Variants in MLLT10 observed in about 807,000 individuals in gnomAD.
MLLT10 encodes protein AF-10.
Under a neutral mutation model 129.1 loss-of-function variants are expected in MLLT10, and 30 were observed. The observed-to-expected ratio is 0.23, with a 90% CI of 0.17 to 0.32. MLLT10 has a LOEUF of 0.32. MLLT10 is among the 10% of genes least tolerant of loss of function. MLLT10 has a pLI of 1.00. For synonymous variants in MLLT10, 490 were observed against 446.4 expected (o/e 1.10, Z -1.23); for missense variants, 1,119 against 1,268.3 (o/e 0.88, Z 1.79).
At chr10:21,640,163 TATATTATATATAATATCAA>T (rs1220839302) in intron 8 of MLLT10, among the ~76,000 whole-genome samples, 2 of 146,004 alleles carry the variant, frequency 1.4e-5, no homozygotes, top group African/African-American at 5.0e-5. Flanking sequence ...TGTATACATA[TATATTATATATAATATCAA>T]ATATTATTAT....
chr10:21,739,567 G>C (rs549926007), intron 21 of MLLT10, among the ~76,000 whole-genome samples: 1 of 152,300 alleles, frequency 6.6e-6, no homozygotes, highest in South Asian at 2.1e-4. Flanking sequence ...ACCAAAAGCA[G>C]TGCCTGGCAC....
At chr10:21,714,777 C>T (rs1412532098) in intron 14 of MLLT10, among the ~76,000 whole-genome samples, 1 of 152,212 alleles carries the variant, frequency 6.6e-6, no homozygotes, top group Non-Finnish European at 1.5e-5. Flanking sequence ...GGTAATCTGC[C>T]TGCCTTGGCC....
At chr10:21,666,956 A>G (rs867195378) in intron 9 of MLLT10, among the ~76,000 whole-genome samples, 4 of 152,102 alleles carry the variant, frequency 2.6e-5, no homozygotes, top group African/African-American at 4.8e-5. Context: ...GTATATTCAC[A>G]TTTCATTTAT....
chr10:21,568,459 ATCTT>A (rs1701573172), intron 3 of MLLT10, among the ~76,000 whole-genome samples: 1 of 151,970 alleles, frequency 6.6e-6, no homozygotes, highest in Admixed American at 6.6e-5. Context: ...TTCTGCTCTG[ATCTT>A]TCTTTTGCTC....
intron 8 of MLLT10, among the ~76,000 whole-genome samples, chr10:21,639,535 T>G (rs1027600732): frequency 1.3e-5 from 2 of 152,196 alleles, no homozygotes; most frequent in Non-Finnish European, 2.9e-5. Context: ...AAGAGATGAA[T>G]AGTGTGAAGT....
At chr10:21,610,644 T>A (rs2044517352) in intron 5 of MLLT10, among the ~76,000 whole-genome samples, 1 of 151,550 alleles carries the variant, frequency 6.6e-6, no homozygotes, top group Non-Finnish European at 1.5e-5. Flanking sequence ...AAATAAAAAT[T>A]ATCATATTTT....
intron 8 of MLLT10, among the ~76,000 whole-genome samples, chr10:21,647,098 C>T (rs1018361483): frequency 7.9e-5 from 12 of 152,088 alleles, no homozygotes; most frequent in African/African-American, 2.4e-4. Context: ...CCTCGTGATC[C>T]GCCCACCTCG....
chr10:21,551,087 C>T (rs1186618399), intron 3 of MLLT10, among the ~76,000 whole-genome samples: 6 of 151,472 alleles, frequency 4.0e-5, no homozygotes, highest in African/African-American at 7.3e-5. Flanking sequence ...CCACCACGCC[C>T]GGCTGATTTT....
chr10:21,718,535 C>T (rs990285659), intron 14 of MLLT10, among the ~76,000 whole-genome samples: 6 of 151,996 alleles, frequency 3.9e-5, no homozygotes, highest in East Asian at 3.9e-4. Context: ...AATTGCATTC[C>T]GTTACATCCT....
rs532112482 is a variant in MLLT10, at chr10:21,600,233, ATAT to A, written c.405+4797_405+4799del. On this transcript the variant is annotated intron_variant, in intron 5 of 22. Transcript: ENST00000307729. The stretch of plus-strand genomic sequence containing the variant: ...TGCATTTTAGTACATGGTAAGACAA[ATAT>A]TATCATGTATTTATTTTTCTAGATG... Among the ~76,000 whole-genome samples, 21 of 152,274 alleles carry A rather than the reference ATAT, an allele frequency of 1.4e-4. No individual in the cohort carries two copies. In the South Asian group the frequency reaches 4.4e-3, roughly 32 times the overall value.
At chr10:21,658,347 A>G (rs1004992038) in intron 9 of MLLT10, among the ~76,000 whole-genome samples, 1 of 152,200 alleles carries the variant, frequency 6.6e-6, no homozygotes, top group Non-Finnish European at 1.5e-5. Context: ...GTAATGTTAA[A>G]AAATGGAAAC....
intron 13 of MLLT10, chr10:21,688,392 A>C (rs1426619248): frequency 6.3e-6 from 6 of 958,564 alleles, no homozygotes; most frequent in Non-Finnish European, 1.0e-5. Flanking sequence ...CCCACACTGC[A>C]CCCCATCATA....
chr10:21,689,616 TATACACACAC>T (rs1270980026), intron 13 of MLLT10, among the ~76,000 whole-genome samples: 1 of 140,754 alleles, frequency 7.1e-6, no homozygotes, highest in African/African-American at 2.7e-5. Flanking sequence ...TATATATATA[TATACACACAC>T]ACACACACAC....
chr10:21,664,308 TTTTG>T (rs1181373183), intron 9 of MLLT10, among the ~76,000 whole-genome samples: 9 of 151,720 alleles, frequency 5.9e-5, no homozygotes, highest in Admixed American at 1.3e-4. Flanking sequence ...TTTGTTTGCT[TTTTG>T]TTTGTTTGTT....
intron 14 of MLLT10, among the ~76,000 whole-genome samples, chr10:21,715,171 A>G (rs1035708777): frequency 1.3e-5 from 2 of 152,190 alleles, no homozygotes; most frequent in Non-Finnish European, 2.9e-5. Flanking sequence ...GTTAGGATAT[A>G]TATACGCTTT....
intron 8 of MLLT10, among the ~76,000 whole-genome samples, chr10:21,623,800 C>G (rs745345737): frequency 6.6e-6 from 1 of 152,184 alleles, no homozygotes; most frequent in African/African-American, 2.4e-5. Context: ...AAAAAGCCCT[C>G]TAAGAATTGT....
At chr10:21,596,106 A>G (rs972741224) in intron 5 of MLLT10, among the ~76,000 whole-genome samples, 1 of 152,122 alleles carries the variant, frequency 6.6e-6, no homozygotes, top group African/African-American at 2.4e-5. Context: ...TTTTGTGTAA[A>G]AAACCTTTTT....
intron 8 of MLLT10, among the ~76,000 whole-genome samples, chr10:21,623,700 C>G (rs960068077): frequency 1.3e-5 from 2 of 152,160 alleles, no homozygotes; most frequent in Non-Finnish European, 2.9e-5. Context: ...TCAAAGGACT[C>G]TATTTGTTTT....
intron 5 of MLLT10, among the ~76,000 whole-genome samples, chr10:21,605,075 C>A (rs1250342808): frequency 6.7e-6 from 1 of 149,664 alleles, no homozygotes; most frequent in Non-Finnish European, 1.5e-5. Context: ...CATAGTGAGA[C>A]CCCATCTCTT....
Sources: allele counts gnomAD v4.1 joint callset (sites outside exome capture counted in the v4.1 genomes callset), GRCh38; gene constraint gnomAD v4.1.1; transcripts MANE v1.5; gene names NCBI Gene and HGNC (gene_info 2026-07-23, HGNC 2026-07-21).